HSPG2: variants seen among roughly 807,000 people sequenced by gnomAD.
HSPG2 encodes the protein basement membrane-specific heparan sulfate proteoglycan core protein.
Under a neutral mutation model 526.6 loss-of-function variants are expected in HSPG2, and 278 were observed. The ratio of observed to expected loss-of-function variants is 0.53; its 90% CI spans 0.48 to 0.58. HSPG2 has a LOEUF of 0.58. Among genes scored for constraint, HSPG2 ranks in the 20% least tolerant of loss-of-function variants. The pLI is 0.00. For missense variants in HSPG2, 5,354 were observed against 6,099.5 expected (o/e 0.88, Z 4.07); for synonymous variants, 2,465 against 2,555.4 (o/e 0.96, Z 1.07).
rs547668499 is a variant in HSPG2, at chr1:21,855,056, A to C, written c.5998-73T>G. The C allele has an allele frequency of 4.4e-5, 69 of 1,572,260 alleles. No homozygotes were observed. In the African/African-American group the frequency reaches 7.8e-4, roughly 18 times the overall value. ...GGCTGGCCAGGGGGACAGATAGGGCATAAAAGGGAGAGGCAGGTGCAGGGC... is the reference window on the plus strand; with the variant it reads ...GGCTGGCCAGGGGGACAGATAGGGCCTAAAAGGGAGAGGCAGGTGCAGGGC... On this transcript the variant is annotated intron_variant, in intron 47 of 96. Transcript: ENST00000374695.
In HSPG2 at chr1:21,926,787, A is replaced by T. The variant is rs865888169; in HGVS notation, c.63+10368T>A. Among the ~76,000 whole-genome samples, 410 of 92,006 alleles carry T rather than the reference A, an allele frequency of 4.5e-3. 1 individual carries two copies. Among genetic ancestry groups the T allele is most frequent in the Non-Finnish European group, 7.1e-3 (282 of 39,550 alleles). 60.4% of individuals were successfully genotyped at this position (92,006 alleles called of 152,430 possible). On this transcript the variant is annotated intron_variant, in intron 1 of 96. Transcript: ENST00000374695. ...AAAAAAAAAAAAAAAAAAAAAAAAA[A>T]AGAGAGAAAGAAAATGATAGAGTAG...
intron 80 of HSPG2, 191 bp downstream of exon 80, chr1:21,833,077 G>A (rs1335625538): frequency 7.6e-6 from 5 of 655,590 alleles, no homozygotes; most frequent in Non-Finnish European, 1.4e-5. Flanking sequence ...AGGCAGGGAT[G>A]GAGAAGCCGG....
At chr1:21,855,089 A>G in intron 47 of HSPG2, 106 bp from the exon 48 acceptor site, 1 of 1,431,956 alleles carries the variant, frequency 7.0e-7, no homozygotes, top group Non-Finnish European at 9.6e-7. Flanking sequence ...GGCCAATATT[A>G]GGGCCCAGTG....
At chr1:21,923,354 C>G (rs1026262117) in intron 1 of HSPG2, among the ~76,000 whole-genome samples, 1 of 151,982 alleles carries the variant, frequency 6.6e-6, no homozygotes, top group Non-Finnish European at 1.5e-5. Flanking sequence ...TGCAGTGAGC[C>G]GAGATCATGC....
chr1:21,851,914 G>C lies in HSPG2; in HGVS notation c.6883C>G (p.Arg2295Gly). 2 of 1,604,202 alleles carry C rather than the reference G, an allele frequency of 1.2e-6. No homozygotes were observed. The highest frequency in any genetic ancestry group is 3.4e-5 in the Admixed American group (2 of 58,058). The stretch of plus-strand genomic sequence containing the variant: ...GGTGAGGCCTGGAAGATGTACAGGC[G>C]GGAGCCACGAACCTGGGCAGCCGTG... ...LPARHQVRGS[R>G]LYIFQASPAD... is the part of the protein sequence containing the mutation. Residue 2295 changes from arginine (R) to glycine (G), a missense_variant, in exon 54 of 97, where the codon CGC (arginine) becomes GGC (glycine). Coordinates refer to ENST00000374695, the MANE Select transcript of HSPG2 (RefSeq NM_005529.7).
At position 21,872,465 on chromosome 1, in the gene HSPG2, A is replaced by G; in HGVS notation, c.4030-88T>C. Reference sequence around the variant, plus strand: ...GCACGGGAGGGTGTTAAGGTGCGGAATGGGGTCCTGTTGAGATCAGGACTG... The same window carrying G: ...GCACGGGAGGGTGTTAAGGTGCGGAGTGGGGTCCTGTTGAGATCAGGACTG... On this transcript the variant is annotated intron_variant, in intron 32 of 96. Coordinates refer to ENST00000374695, the MANE Select transcript of HSPG2 (RefSeq NM_005529.7). The surrounding 1 kb of genome is among the most constrained non-coding windows in gnomAD (Gnocchi z 5.5). 1 of 1,413,768 alleles carries G rather than the reference A, an allele frequency of 7.1e-7. No individual in the cohort carries two copies. Among genetic ancestry groups the G allele is most frequent in the Non-Finnish European group, 9.8e-7 (1 of 1,025,500 alleles). The allele number at this position is 1,413,768 out of a possible 1,614,324, so 87.6% of individuals were successfully genotyped here.
chr1:21,830,140 G>GA, intron 85 of HSPG2, 49 bp from the exon 86 acceptor site: 1 of 1,447,504 alleles, frequency 6.9e-7, no homozygotes, highest in Non-Finnish European at 9.4e-7. Flanking sequence ...ACTCTGGAGG[G>GA]AGGGGGGTCC....
chr1:21,913,594 A>G (rs1284355117), intron 1 of HSPG2, among the ~76,000 whole-genome samples: 1 of 152,134 alleles, frequency 6.6e-6, no homozygotes, highest in African/African-American at 2.4e-5. Flanking sequence ...GGGTCCCCCC[A>G]GCCAAAGGGT....
intron 1 of HSPG2, among the ~76,000 whole-genome samples, chr1:21,911,874 G>C (rs1009941862): frequency 6.6e-6 from 1 of 152,062 alleles, no homozygotes; most frequent in East Asian, 1.9e-4. Flanking sequence ...TCCAGCCCAC[G>C]CAGCTCTCTC....
In HSPG2 at chr1:21,865,743, G is replaced by A. The variant is rs1291595194; in HGVS notation, c.4288C>T (p.Leu1430Phe). 2.5e-6 allele frequency: 4 copies of A among 1,613,784 alleles called. No individual in the cohort carries two copies. The African/African-American group carries it at 5.3e-5, about 22-fold the overall frequency. ...SYTAGPQGSPLSDPDVQITGN... is the reference protein window; with the variant it reads ...SYTAGPQGSPFSDPDVQITGN... The stretch of plus-strand genomic sequence containing the variant: ...GTGATCTGCACATCGGGGTCAGAGA[G>A]TGGGCTGCCCTGTGGGCCTGCTGTG... Residue 1430 changes from leucine to phenylalanine, a missense_variant, in exon 34 of 97, where the codon CTC becomes TTC. By Grantham distance (22) the Leu-to-Phe change is conservative (BLOSUM62 0). Coordinates refer to ENST00000374695, the MANE Select transcript of HSPG2 (RefSeq NM_005529.7). The surrounding 1 kb of genome is among the most constrained non-coding windows in gnomAD (Gnocchi z 5.4).
intron 1 of HSPG2, among the ~76,000 whole-genome samples, chr1:21,916,645 T>C (rs1237994390): frequency 1.3e-5 from 2 of 151,446 alleles, no homozygotes; most frequent in East Asian, 1.9e-4. Context: ...TGAGCCGAGA[T>C]TGCGCCATTG....
rs774578021 is a variant in HSPG2, at chr1:21,878,978, C to T, written c.2471+16G>A. 42 of 1,611,630 alleles carry T rather than the reference C, an allele frequency of 2.6e-5. No individual in the cohort carries two copies. Among genetic ancestry groups the T allele is most frequent in the South Asian group, 1.8e-4 (16 of 90,928 alleles). The stretch of plus-strand genomic sequence containing the variant: ...GTCCCCAGCCAAACCCCCCCTGACC[C>T]GGAGCTGGGGCTGACCTGCGGGAGG... On this transcript the variant is annotated intron_variant, in intron 18 of 96. Coordinates refer to ENST00000374695, the MANE Select transcript of HSPG2 (RefSeq NM_005529.7).
chr1:21,887,131 G>GGGCGGGGCCGGAGTGGAA lies in HSPG2; in HGVS notation c.1078+83_1078+84insTTCCACTCCGGCCCCGCC. 1 of 1,429,942 alleles carries GGGCGGGGCCGGAGTGGAA rather than the reference G, an allele frequency of 7.0e-7. No homozygotes were observed. The highest frequency in any genetic ancestry group is 9.6e-7 in the Non-Finnish European group (1 of 1,040,996). 88.6% of individuals were successfully genotyped at this position (1,429,942 alleles called of 1,614,324 possible). A position where few individuals can be genotyped will look rare whatever the true frequency, so the allele number is the denominator to read the frequency against. On this transcript the variant is annotated intron_variant, in intron 9 of 96. Transcript: ENST00000374695. This position sits in a 1 kb window ranked among gnomAD's most constrained non-coding sequence, Gnocchi z 5.0. ...GGGGGAAAGCGGAGGGGCAGGGTAGGGGCGGGGCAGGAGTGGAAGGCGGGG... is the reference window on the plus strand; with the variant it reads ...GGGGGAAAGCGGAGGGGCAGGGTAGGGGCGGGGCCGGAGTGGAAGGCGGGGCAGGAGTGGAAGGCGGGG...
chr1:21,848,577 T>TCCCC lies in HSPG2; in HGVS notation c.7737+62_7737+65dup, dbSNP rs1427700010. ...TGAGCACAGAGTGAGGTGCTGAGAGTCCCCCCTCTTCCCATTGGGGGCTGG... is the reference window on the plus strand; with the variant it reads ...TGAGCACAGAGTGAGGTGCTGAGAGTCCCCCCCCCCTCTTCCCATTGGGGGCTGG... On this transcript the variant is annotated intron_variant, in intron 59 of 96. Transcript: ENST00000374695. The surrounding 1 kb of genome is among the most constrained non-coding windows in gnomAD (Gnocchi z 4.9). 2.0e-6 allele frequency: 3 copies of TCCCC among 1,532,292 alleles called. No individual in the cohort carries two copies. Among genetic ancestry groups the TCCCC allele is most frequent in the Non-Finnish European group, 2.7e-6 (3 of 1,108,580 alleles). 94.9% of individuals were successfully genotyped at this position (1,532,292 alleles called of 1,614,324 possible). A position where few individuals can be genotyped will look rare whatever the true frequency, so the allele number is the denominator to read the frequency against.
In HSPG2 at chr1:21,904,442, C is replaced by T. The variant is rs560502261; in HGVS notation, c.64-8132G>A. Among the ~76,000 whole-genome samples the T allele has an allele frequency of 9.2e-5, 14 of 152,270 alleles. No individual in the cohort carries two copies. The highest frequency in any genetic ancestry group is 2.0e-4 in the Admixed American group (3 of 15,298). ...GTGGCAGAGGAGTCAAAGGGCGGCACGAGTGGGCTTTTCCATTTAAAAGGG... is the reference window on the plus strand; with the variant it reads ...GTGGCAGAGGAGTCAAAGGGCGGCATGAGTGGGCTTTTCCATTTAAAAGGG... On this transcript the variant is annotated intron_variant, in intron 1 of 96. Coordinates refer to ENST00000374695, the MANE Select transcript of HSPG2 (RefSeq NM_005529.7). The surrounding 1 kb of genome is among the most constrained non-coding windows in gnomAD (Gnocchi z 4.4).
chr1:21,845,140 G>T (rs1052446018), intron 64 of HSPG2, among the ~76,000 whole-genome samples: 1 of 152,156 alleles, frequency 6.6e-6, no homozygotes, highest in Non-Finnish European at 1.5e-5. Flanking sequence ...CAGCTACTCA[G>T]GAGGCTGAGG....
intron 1 of HSPG2, among the ~76,000 whole-genome samples, chr1:21,919,238 C>T (rs1643963776): frequency 6.6e-6 from 1 of 152,066 alleles, no homozygotes; most frequent in South Asian, 2.1e-4. Context: ...CCAGCCTGGC[C>T]AACATGGTGA....
At chr1:21,830,203 A>T in intron 85 of HSPG2, 112 bp from the exon 86 acceptor site, 1 of 867,918 alleles carries the variant, frequency 1.2e-6, no homozygotes, top group Non-Finnish European at 1.8e-6. Flanking sequence ...AGTGAGGGCC[A>T]GGCCAGCCTC....
chr1:21,884,710 G>A (rs777984976), intron 12 of HSPG2, 36 bp from the exon 13 acceptor site: 1 of 1,610,884 alleles, frequency 6.2e-7, no homozygotes, highest in Admixed American at 1.7e-5. Flanking sequence ...GCAGCCGGCT[G>A]TGGTGGGCAG....
Sources: gnomAD v4.1 joint callset for allele counts (sites outside exome capture counted in the v4.1 genomes callset) on GRCh38, gnomAD v4.1.1 for gene constraint, Gnocchi (gnomAD v3.1) non-coding constraint, MANE v1.5 for transcripts, NCBI Gene and HGNC (gene_info 2026-07-23, HGNC 2026-07-21) for gene names.